Variants in NCKAP5 observed in about 807,000 individuals in gnomAD.
NCKAP5 encodes nck-associated protein 5.
Under a neutral mutation model 167.0 loss-of-function variants are expected in NCKAP5, and 92 were observed. That is an observed-to-expected ratio of 0.55 (90% CI 0.47 to 0.66). The LOEUF (loss-of-function observed/expected upper bound fraction) is 0.66, where lower values mean the gene tolerates loss of function less well. Among genes scored for constraint, NCKAP5 ranks in the 30% least tolerant of loss-of-function variants. The probability of loss-of-function intolerance (pLI) is 0.00; values close to 1 mark genes in which losing one functional copy is unlikely to be tolerated. For synonymous variants in NCKAP5, 891 were observed against 877.4 expected (o/e 1.02, Z -0.27); for missense variants, 2,378 against 2,315.0 (o/e 1.03, Z -0.56).
At chr2:133,211,980 T>C (rs1334935912) in intron 5 of NCKAP5, among the ~76,000 whole-genome samples, 1 of 152,238 alleles carries the variant, frequency 6.6e-6, no homozygotes, top group Non-Finnish European at 1.5e-5. Flanking sequence ...TAAAGTTCAT[T>C]CTTTCAAGGC....
chr2:133,021,464 A>C (rs1273762885), intron 6 of NCKAP5, among the ~76,000 whole-genome samples: 1 of 152,256 alleles, frequency 6.6e-6, no homozygotes, highest in African/African-American at 2.4e-5. Context: ...GCCTTGAAGA[A>C]AAAGTTTCTA....
intron 3 of NCKAP5, among the ~76,000 whole-genome samples, chr2:133,390,415 C>T (rs1687316932): frequency 6.6e-6 from 1 of 152,196 alleles, no homozygotes; most frequent in African/African-American, 2.4e-5. Flanking sequence ...GACCCGATAC[C>T]CTGGAGGAAC....
intron 19 of NCKAP5, among the ~76,000 whole-genome samples, chr2:132,709,093 A>G (rs1247127641): frequency 2.0e-5 from 3 of 152,084 alleles, no homozygotes; most frequent in Admixed American, 6.6e-5. Context: ...TATTATTTCT[A>G]GTAACTGTCT....
intron 5 of NCKAP5, among the ~76,000 whole-genome samples, chr2:133,203,362 G>A (rs1423191508): frequency 2.0e-5 from 3 of 152,040 alleles, no homozygotes; most frequent in Non-Finnish European, 2.9e-5. Flanking sequence ...GACACAGGAA[G>A]GGGAACATCA....
At chr2:133,293,807 T>C (rs1034700689) in intron 4 of NCKAP5, among the ~76,000 whole-genome samples, 1 of 152,150 alleles carries the variant, frequency 6.6e-6, no homozygotes, top group Non-Finnish European at 1.5e-5. Flanking sequence ...TCTGGGACTG[T>C]CTGCATCTCT....
At chr2:133,291,585 G>A (rs535549255) in intron 4 of NCKAP5, among the ~76,000 whole-genome samples, 6 of 152,268 alleles carry the variant, frequency 3.9e-5, no homozygotes, top group Admixed American at 6.5e-5. Flanking sequence ...CCTGGTGAAC[G>A]TCTAGAATAA....
intron 3 of NCKAP5, among the ~76,000 whole-genome samples, chr2:133,483,969 T>C (rs1012744991): frequency 1.3e-5 from 2 of 152,252 alleles, no homozygotes; most frequent in African/African-American, 4.8e-5. Context: ...CCTGTGGTTA[T>C]AATTTTATTC....
At chr2:133,592,224 C>T in the NCKAP5 span, among the ~76,000 whole-genome samples, 1 of 152,116 alleles carries the variant, frequency 6.6e-6, no homozygotes, top group Non-Finnish European at 1.5e-5. Context: ...GTTTTCAAAC[C>T]CAAGTCTCTT....
At chr2:133,575,687 G>A in the NCKAP5 span, among the ~76,000 whole-genome samples, 3 of 152,172 alleles carry the variant, frequency 2.0e-5, no homozygotes, top group East Asian at 3.9e-4. Flanking sequence ...AGCTCAGAGG[G>A]TGATGTCCCT....
intron 3 of NCKAP5, among the ~76,000 whole-genome samples, chr2:133,499,655 G>T (rs1419028299): frequency 1.3e-5 from 2 of 152,174 alleles, no homozygotes; most frequent in South Asian, 2.1e-4. Context: ...AGCCTCCCGG[G>T]TTCAAGTGAT....
intron 6 of NCKAP5, among the ~76,000 whole-genome samples, chr2:133,066,429 T>A (rs2080198063): frequency 6.6e-6 from 1 of 152,216 alleles, no homozygotes; most frequent in Non-Finnish European, 1.5e-5. Flanking sequence ...GAATCTTAAG[T>A]TGGATTTTGC....
rs553292429 is a variant in NCKAP5 at position 132,955,805 on chromosome 2, C to A, written c.579+7915G>T. ...TAAAGGTATTCCTATTTCTCCACAT[C>A]CTTGCCAGCATCTGTTGTTTCCTGA... is the stretch of plus-strand genomic sequence containing the variant. On this transcript the variant is annotated intron_variant, in intron 8 of 19. Transcript: ENST00000409261. Among the ~76,000 whole-genome samples the A allele has an allele frequency of 2.6e-5, 4 of 152,334 alleles. No homozygotes were observed. The East Asian group carries it at 5.8e-4, about 22-fold the overall frequency.
chr2:132,722,849 T>A (rs1396890692), intron 19 of NCKAP5, among the ~76,000 whole-genome samples: 2 of 152,144 alleles, frequency 1.3e-5, no homozygotes, highest in Non-Finnish European at 2.9e-5. Flanking sequence ...GGCGTCTTGC[T>A]GTGTCACCCA....
chr2:133,076,248 C>A (rs142979955), intron 6 of NCKAP5, among the ~76,000 whole-genome samples: 64 of 152,230 alleles, frequency 4.2e-4, no homozygotes, highest in African/African-American at 1.4e-3. Flanking sequence ...GCCTCCATAT[C>A]TGTGGAATTC....
At chr2:133,609,982 G>T in the NCKAP5 span, among the ~76,000 whole-genome samples, 1 of 152,096 alleles carries the variant, frequency 6.6e-6, no homozygotes, top group Non-Finnish European at 1.5e-5. Context: ...AAGAAATGAG[G>T]TACTATTTAA....
chr2:133,620,343 T>TA, the NCKAP5 span, among the ~76,000 whole-genome samples: 1 of 152,016 alleles, frequency 6.6e-6, no homozygotes, highest in African/African-American at 2.4e-5. Flanking sequence ...TGGAGAATAA[T>TA]ACGTCAACCA....
At chr2:133,138,803 A>G (rs975419370) in intron 5 of NCKAP5, among the ~76,000 whole-genome samples, 11 of 152,140 alleles carry the variant, frequency 7.2e-5, no homozygotes, top group African/African-American at 2.7e-4. Context: ...CTAGTTCCTC[A>G]ATGTGTTCAA....
intron 7 of NCKAP5, among the ~76,000 whole-genome samples, chr2:132,978,628 G>A (rs113658876): frequency 0.023 from 3,470 of 152,228 alleles, 56 homozygotes; most frequent in Non-Finnish European, 0.032. Flanking sequence ...TGACTGACCC[G>A]CCTGTGTCAC....
the NCKAP5 span, among the ~76,000 whole-genome samples, chr2:133,661,119 C>A: frequency 6.6e-6 from 1 of 151,914 alleles, no homozygotes; most frequent in South Asian, 2.1e-4. Flanking sequence ...CTCTTGGGCA[C>A]AATCTCTTAG....
Sources: allele counts gnomAD v4.1 joint callset (sites outside exome capture counted in the v4.1 genomes callset), GRCh38; gene constraint gnomAD v4.1.1; transcripts MANE v1.5; gene names NCBI Gene and HGNC (gene_info 2026-07-23, HGNC 2026-07-21).